The following INTS9 variants were observed in gnomAD, a reference collection of about 807,000 sequenced individuals.
INTS9 encodes the protein integrator complex subunit 9.
In INTS9, 55 loss-of-function variants were observed where a neutral mutation model predicts 79.7. The ratio of observed to expected loss-of-function variants is 0.69; its 90% CI spans 0.56 to 0.86. The LOEUF is 0.86. INTS9 is among the 40% of genes least tolerant of loss of function. The pLI, the probability that INTS9 is intolerant of heterozygous loss-of-function variation, is 0.00. For missense variants in INTS9, 721 were observed against 831.5 expected (o/e 0.87, Z 1.64); for synonymous variants, 319 against 325.2 (o/e 0.98, Z 0.20).
Position 28,840,053 on chromosome 8 carries a change from G to A in INTS9, c.262-2277C>T, listed in dbSNP as rs1182579900. Among the ~76,000 whole-genome samples the A allele has an allele frequency of 3.7e-3, 533 of 145,134 alleles. 2 individuals carry two copies. Among genetic ancestry groups the A allele is most frequent in the African/African-American group, 0.013 (492 of 38,962 alleles). ...TCGCAACCTACTCATCTGACAAAGG[G>A]CTAATATCCAGAATCTACAATGAAC... On this transcript the variant is annotated intron_variant, in intron 4 of 16. Coordinates refer to ENST00000521022, the MANE Select transcript of INTS9 (RefSeq NM_018250.4).
At chr8:28,871,468 G>C (rs765302680) in intron 1 of INTS9, among the ~76,000 whole-genome samples, 18 of 152,100 alleles carry the variant, frequency 1.2e-4, no homozygotes, top group Non-Finnish European at 2.2e-4. Context: ...GCAGTGATAT[G>C]ATTACGGCTC....
chr8:28,771,553 C>CA (rs1393486082), intron 14 of INTS9, among the ~76,000 whole-genome samples: 1 of 152,184 alleles, frequency 6.6e-6, no homozygotes, highest in East Asian at 1.9e-4. Context: ...TATTTAAAAA[C>CA]AAAAACATGC....
At chr8:28,826,598 G>C (rs1447155406) in intron 6 of INTS9, among the ~76,000 whole-genome samples, 2 of 152,206 alleles carry the variant, frequency 1.3e-5, no homozygotes, top group East Asian at 3.9e-4. Context: ...GTGTGAGGTA[G>C]ATCAAGTGGC....
In INTS9 at chr8:28,799,677, G is replaced by A. The variant is rs78968324; in HGVS notation, c.745-3022C>T. On this transcript the variant is annotated intron_variant, in intron 8 of 16. Transcript: ENST00000521022. ...TGACCACTCAATGAGTGCTGCAAAC[G>A]GGAACATTTTGTTCAAATACACACA... 4.3e-3 allele frequency among the ~76,000 whole-genome samples: 661 copies of A among 152,228 alleles called. 4 individuals carry two copies. The highest frequency in any genetic ancestry group is 0.015 in the South Asian group (71 of 4,824).
At chr8:28,851,024 G>A (rs2131258871) in intron 2 of INTS9, among the ~76,000 whole-genome samples, 1 of 152,308 alleles carries the variant, frequency 6.6e-6, no homozygotes, top group East Asian at 1.9e-4. Flanking sequence ...AGCTGAAAGT[G>A]CCAATAACTC....
At chr8:28,803,431 C>T (rs1804634409) in intron 8 of INTS9, among the ~76,000 whole-genome samples, 1 of 152,236 alleles carries the variant, frequency 6.6e-6, no homozygotes, top group African/African-American at 2.4e-5. Context: ...TTTATGGGAT[C>T]TTTCCAACAG....
chr8:28,837,245 AAG>A (rs999252456), intron 5 of INTS9, among the ~76,000 whole-genome samples: 1 of 152,104 alleles, frequency 6.6e-6, no homozygotes, highest in African/African-American at 2.4e-5. Context: ...AAACCACAAA[AAG>A]GGGGAATTTT....
At position 28,813,863 on chromosome 8, in the gene INTS9, C is replaced by T. The variant is rs186287810; in HGVS notation, c.489-251G>A. ...GCAACCTCCACCTCCCGGGTTCAAGCGAATCTCCTGCCTCAGCCTCCTAAG... is the reference window on the plus strand; with the variant it reads ...GCAACCTCCACCTCCCGGGTTCAAGTGAATCTCCTGCCTCAGCCTCCTAAG... On this transcript the variant is annotated intron_variant, in intron 6 of 16. Transcript: ENST00000521022. 4.9e-3 allele frequency among the ~76,000 whole-genome samples: 740 copies of T among 152,096 alleles called. 6 individuals carry two copies. Among genetic ancestry groups the T allele is most frequent in the South Asian group, 0.015 (72 of 4,798 alleles).
intron 6 of INTS9, among the ~76,000 whole-genome samples, chr8:28,814,312 ACACACACACACACACACACACACTCT>A (rs1263890941): frequency 1.3e-5 from 2 of 150,830 alleles, no homozygotes; most frequent in African/African-American, 4.9e-5. Context: ...ACACACACAC[ACACACACACACACACACACACACTCT>A]CACACACACA....
At chr8:28,797,697 T>G (rs1804301708) in intron 8 of INTS9, among the ~76,000 whole-genome samples, 1 of 152,214 alleles carries the variant, frequency 6.6e-6, no homozygotes, top group South Asian at 2.1e-4. Context: ...ATTGAGAAGC[T>G]GGAGAGCTCA....
intron 6 of INTS9, among the ~76,000 whole-genome samples, chr8:28,830,633 A>T (rs890365805): frequency 3.3e-4 from 44 of 132,402 alleles, no homozygotes; most frequent in Non-Finnish European, 5.6e-4. Context: ...TCAAAAAATT[A>T]AAAAAAAAAA....
At position 28,813,472 on chromosome 8, in the gene INTS9, A is replaced by T. The variant is rs199912369; in HGVS notation, c.609+20T>A. 6.2e-7 allele frequency: 1 copy of T among 1,608,764 alleles called. No individual in the cohort carries two copies. The highest frequency in any genetic ancestry group is 1.3e-5 in the African/African-American group (1 of 74,910). ...ATGGAAAGCATTCATGAATAACTGA[A>T]ATGTAATATGAATACTCACAATTTT... On this transcript the variant is annotated intron_variant, in intron 7 of 16. Transcript: ENST00000521022.
intron 1 of INTS9, among the ~76,000 whole-genome samples, chr8:28,881,720 C>A (rs1170050391): frequency 2.0e-5 from 3 of 147,298 alleles, no homozygotes; most frequent in Non-Finnish European, 3.0e-5. Context: ...GTCAGCCCCC[C>A]TTCCGGCCGG....
At position 28,813,582 on chromosome 8, in the gene INTS9, C is replaced by T; in HGVS notation, c.519G>A (p.Val173=). ...AGCATCTTCTCCAGGTTGAGACTTC[C>T]ACTGCATCCTTGAGAGGAGAAGGTA... ...RLLPSPLKDA[V]EVSTWRRCYT... is the part of the protein sequence containing the mutation. Residue 173 remains valine, a synonymous_variant, in exon 7 of 17, where the codon GTG becomes GTA. Transcript: ENST00000521022. 6.2e-7 allele frequency: 1 copy of T among 1,613,776 alleles called. No individual in the cohort carries two copies. The highest frequency in any genetic ancestry group is 8.5e-7 in the Non-Finnish European group (1 of 1,179,740).
chr8:28,829,197 T>C (rs767102746), intron 6 of INTS9, among the ~76,000 whole-genome samples: 2 of 152,100 alleles, frequency 1.3e-5, no homozygotes, highest in African/African-American at 2.4e-5. Context: ...GTACTAGAGG[T>C]GGGGTTACTT....
At chr8:28,782,078 A>T (rs1023193922) in intron 11 of INTS9, among the ~76,000 whole-genome samples, 13 of 152,210 alleles carry the variant, frequency 8.5e-5, no homozygotes, top group Admixed American at 8.5e-4. Context: ...AACACTTATT[A>T]ATTTAAAAAA....
intron 8 of INTS9, among the ~76,000 whole-genome samples, chr8:28,801,089 A>G (rs1335177428): frequency 6.6e-6 from 1 of 152,248 alleles, no homozygotes; most frequent in African/African-American, 2.4e-5. Flanking sequence ...CTTCCAGATC[A>G]GAGCATAGTA....
At chr8:28,831,462 A>AT (rs1003716874) in intron 6 of INTS9, among the ~76,000 whole-genome samples, 1 of 152,236 alleles carries the variant, frequency 6.6e-6, no homozygotes, top group Non-Finnish European at 1.5e-5. Flanking sequence ...CAGAACTTAA[A>AT]TTTTTTTTAA....
intron 2 of INTS9, among the ~76,000 whole-genome samples, chr8:28,853,370 G>A (rs937621725): frequency 7.4e-5 from 11 of 149,158 alleles, no homozygotes; most frequent in East Asian, 2.0e-4. Flanking sequence ...CCAAGATGGC[G>A]CCACTGTACT....
Sources: allele counts gnomAD v4.1 joint callset (sites outside exome capture counted in the v4.1 genomes callset), GRCh38; gene constraint gnomAD v4.1.1; transcripts MANE v1.5; gene names NCBI Gene and HGNC (gene_info 2026-07-23, HGNC 2026-07-21).